SDK1: variants seen among roughly 807,000 people sequenced by gnomAD.
The protein encoded by SDK1 is sidekick cell adhesion molecule 1.
A neutral mutation model predicts 245.5 loss-of-function variants in SDK1; 157 were observed. That is an observed-to-expected ratio of 0.64 (90% CI 0.56 to 0.73). The LOEUF is 0.73. Ranked by LOEUF, SDK1 falls within the 30% of genes least tolerant of loss-of-function variation. SDK1 has a pLI of 0.00. For synonymous variants in SDK1, 1,647 were observed against 1,278.5 expected (o/e 1.29, Z -6.15); for missense variants, 3,583 against 3,002.3 (o/e 1.19, Z -4.52).
intron 3 of SDK1, among the ~76,000 whole-genome samples, chr7:3,640,212 A>T (rs1782607547): frequency 6.6e-6 from 1 of 152,194 alleles, no homozygotes; most frequent in East Asian, 1.9e-4. Flanking sequence ...GTAAGCAAAA[A>T]AATGTTATAA....
chr7:3,689,731 C>T (rs1164916178), intron 4 of SDK1, among the ~76,000 whole-genome samples: 2 of 152,154 alleles, frequency 1.3e-5, no homozygotes, highest in Non-Finnish European at 2.9e-5. Flanking sequence ...AAGGCTTTTG[C>T]TCCGTTCCTA....
At chr7:3,709,898 A>G (rs1046147966) in intron 4 of SDK1, among the ~76,000 whole-genome samples, 4 of 152,232 alleles carry the variant, frequency 2.6e-5, no homozygotes, top group Non-Finnish European at 4.4e-5. Flanking sequence ...CCCAGCTGCA[A>G]GATGGGCTTT....
intron 1 of SDK1, among the ~76,000 whole-genome samples, chr7:3,511,906 A>C (rs564613013): frequency 1.3e-5 from 2 of 149,008 alleles, no homozygotes; most frequent in African/African-American, 2.5e-5. Context: ...AGCCTCCTCC[A>C]TGATCACCAT....
intron 4 of SDK1, among the ~76,000 whole-genome samples, chr7:3,672,466 A>T (rs1034727960): frequency 1.3e-5 from 2 of 151,106 alleles, no homozygotes; most frequent in Non-Finnish European, 2.9e-5. Context: ...TAGCCAAAAG[A>T]GATAGGACAT....
At chr7:3,889,534 G>C (rs945492983) in intron 5 of SDK1, among the ~76,000 whole-genome samples, 9 of 151,962 alleles carry the variant, frequency 5.9e-5, no homozygotes, top group Non-Finnish European at 1.2e-4. Flanking sequence ...TAGGGATGGT[G>C]TCTTGCTCTG....
At chr7:4,053,367 T>A (rs1481681866) in intron 19 of SDK1, among the ~76,000 whole-genome samples, 1 of 151,870 alleles carries the variant, frequency 6.6e-6, no homozygotes, top group Non-Finnish European at 1.5e-5. Flanking sequence ...CTCTCTCCCC[T>A]TTCCTCTCAA....
chr7:3,531,934 A>G (rs1222981813), intron 1 of SDK1, among the ~76,000 whole-genome samples: 1 of 152,236 alleles, frequency 6.6e-6, no homozygotes, highest in East Asian at 1.9e-4. Flanking sequence ...TAGCAGGTTC[A>G]GTAACACACC....
At position 3,327,060 on chromosome 7, in the gene SDK1, T is replaced by C. The variant is rs549020635; in HGVS notation, c.298+25176T>C. ...TCTTAAGTCAGATGTAAAGATAATGTTCAGTTCCAGAAAGGTAACCAGACT... is the reference window on the plus strand; with the variant it reads ...TCTTAAGTCAGATGTAAAGATAATGCTCAGTTCCAGAAAGGTAACCAGACT... On this transcript the variant is annotated intron_variant, in intron 1 of 44. Coordinates refer to ENST00000404826, the MANE Select transcript of SDK1 (RefSeq NM_152744.4). Among the ~76,000 whole-genome samples, 11 of 152,310 alleles carry C rather than the reference T, an allele frequency of 7.2e-5. 1 individual carries two copies. The South Asian group carries it at 2.3e-3, about 32-fold the overall frequency.
intron 5 of SDK1, among the ~76,000 whole-genome samples, chr7:3,878,707 G>A (rs1162175648): frequency 6.6e-6 from 1 of 152,182 alleles, no homozygotes; most frequent in Non-Finnish European, 1.5e-5. Context: ...CGAAGAGGAA[G>A]AGTCTCCTCT....
intron 42 of SDK1, among the ~76,000 whole-genome samples, chr7:4,238,926 CAG>C (rs1786356641): frequency 6.6e-6 from 1 of 152,110 alleles, no homozygotes; most frequent in Admixed American, 6.5e-5. Context: ...ATTATAAACA[CAG>C]TGACCTGGGG....
intron 5 of SDK1, among the ~76,000 whole-genome samples, chr7:3,898,799 A>G (rs897771781): frequency 6.6e-6 from 1 of 152,230 alleles, no homozygotes; most frequent in Non-Finnish European, 1.5e-5. Context: ...GTTTTAATAA[A>G]TAGATGGTGA....
intron 35 of SDK1, among the ~76,000 whole-genome samples, chr7:4,205,076 G>A (rs1174036702): frequency 1.3e-5 from 1 of 79,252 alleles, no homozygotes; most frequent in Non-Finnish European, 2.4e-5. Flanking sequence ...CCCTGCAGAC[G>A]CAGACAGCAC....
chr7:3,707,306 A>G (rs532374253), intron 4 of SDK1, among the ~76,000 whole-genome samples: 1 of 152,344 alleles, frequency 6.6e-6, no homozygotes, highest in African/African-American at 2.4e-5. Flanking sequence ...TTCATTGTCA[A>G]TTCAAAAATC....
chr7:4,217,480 G>GCCACCCGGAGCACCACA (rs1180647546), intron 38 of SDK1, among the ~76,000 whole-genome samples: 3 of 71,896 alleles, frequency 4.2e-5, no homozygotes, highest in Admixed American at 3.0e-4. Context: ...GGAGCACCAG[G>GCCACCCGGAGCACCACA]CCACCCGGAG....
chr7:3,304,177 C>T (rs1435655332), intron 1 of SDK1, among the ~76,000 whole-genome samples: 1 of 152,176 alleles, frequency 6.6e-6, no homozygotes, highest in Non-Finnish European at 1.5e-5. Context: ...TTAATATGCC[C>T]TGGAGTTTCT....
At chr7:3,878,139 T>C (rs1451573727) in intron 5 of SDK1, among the ~76,000 whole-genome samples, 3 of 152,244 alleles carry the variant, frequency 2.0e-5, no homozygotes, top group Non-Finnish European at 4.4e-5. Flanking sequence ...CTTTGATAAA[T>C]GAGAGAAGTT....
intron 1 of SDK1, among the ~76,000 whole-genome samples, chr7:3,595,109 G>A (rs1263167579): frequency 6.6e-6 from 1 of 152,152 alleles, no homozygotes; most frequent in African/African-American, 2.4e-5. Context: ...ATTGAAGTCA[G>A]ATGCAGCCAA....
chr7:4,151,366 C>T (rs574883003), intron 30 of SDK1, among the ~76,000 whole-genome samples: 4 of 152,326 alleles, frequency 2.6e-5, no homozygotes, highest in South Asian at 4.2e-4. Flanking sequence ...ATGGTCCCTG[C>T]GCACGGGGCT....
chr7:3,847,131 G>C (rs1170973432), intron 5 of SDK1, among the ~76,000 whole-genome samples: 1 of 151,450 alleles, frequency 6.6e-6, no homozygotes, highest in Non-Finnish European at 1.5e-5. Context: ...CTCTGTTCAT[G>C]CCTCTCACGT....
Sources: allele counts gnomAD v4.1 joint callset (sites outside exome capture counted in the v4.1 genomes callset), GRCh38; gene constraint gnomAD v4.1.1; transcripts MANE v1.5; gene names NCBI Gene and HGNC (gene_info 2026-07-23, HGNC 2026-07-21).